CACNA1I: variants seen among roughly 807,000 people sequenced by gnomAD.
CACNA1I encodes the protein calcium voltage-gated channel subunit alpha1 I.
In CACNA1I, 74 loss-of-function variants were observed where a neutral mutation model predicts 201.6. The observed-to-expected ratio is 0.37, with a 90% CI of 0.30 to 0.45. The LOEUF (loss-of-function observed/expected upper bound fraction) is 0.45. Among genes scored for constraint, CACNA1I ranks in the 20% least tolerant of loss-of-function variants. CACNA1I has a pLI of 1.00. For missense variants in CACNA1I, 2,346 were observed against 3,138.1 expected, an observed-to-expected ratio of 0.75 and a Z score of 6.03; for synonymous variants, 1,431 against 1,345.2, an observed-to-expected ratio of 1.06 and a Z score of -1.40.
chr22:39,633,421 C>T lies in CACNA1I; in HGVS notation c.581-1144C>T, dbSNP rs143704844. On this transcript the variant is annotated intron_variant, in intron 4 of 36. Transcript: ENST00000402142. Reference sequence around the variant, plus strand: ...GCAGTATACAACCTGCACAACTGTACGTGGCAGCCTAGGCTAGGTCAGAGG... The same window carrying T: ...GCAGTATACAACCTGCACAACTGTATGTGGCAGCCTAGGCTAGGTCAGAGG... Among the ~76,000 whole-genome samples the T allele has an allele frequency of 7.7e-4, 117 of 152,250 alleles. 1 individual carries two copies. The highest frequency in any genetic ancestry group is 2.1e-3 in the African/African-American group (87 of 41,532).
chr22:39,623,141 A>T, intron 4 of CACNA1I, among the ~76,000 whole-genome samples: 1 of 152,330 alleles, frequency 6.6e-6, no homozygotes, highest in South Asian at 2.1e-4. Flanking sequence ...CGCTCTTGCC[A>T]GGCGGGCTTC....
chr22:39,593,609 G>A (rs532398687), intron 1 of CACNA1I, among the ~76,000 whole-genome samples: 2 of 152,198 alleles, frequency 1.3e-5, no homozygotes, highest in Non-Finnish European at 2.9e-5. Context: ...TCACTGAGGC[G>A]AGAGTCTACC....
intron 1 of CACNA1I, chr22:39,587,819 A>G (rs1371028870): frequency 5.0e-5 from 21 of 418,478 alleles, no homozygotes; most frequent in Non-Finnish European, 9.9e-5. Context: ...TCTGTCACCC[A>G]GGCTGGAGTG....
chr22:39,641,187 G>C lies in CACNA1I; in HGVS notation c.1056+5G>C, dbSNP rs1398806645. ...GCTTGGATTGTCATCTTCCAGGTGA[G>C]GCCATTCAGGCCTGGGGCCAGCCTG... On this transcript the variant is annotated splice_donor_5th_base_variant and intron_variant, in intron 6 of 36. Coordinates refer to ENST00000402142, the MANE Select transcript of CACNA1I (RefSeq NM_021096.4). The C allele has an allele frequency of 6.2e-7, 1 of 1,609,886 alleles. No individual in the cohort carries two copies. The highest frequency in any genetic ancestry group is 8.5e-7 in the Non-Finnish European group (1 of 1,176,868).
rs1935208495 is a variant in CACNA1I at position 39,666,696 on chromosome 22, CAGGG to C, written c.4104+694_4104+697del. Among the ~76,000 whole-genome samples the C allele has an allele frequency of 6.6e-6, 1 of 152,228 alleles. No homozygotes were observed. The highest frequency in any genetic ancestry group is 1.5e-5 in the Non-Finnish European group (1 of 68,034). ...TAGGCGTGCCTTGCCCCAGGGCACA[CAGGG>C]AGGAGCAGGCTCCAGGCCCTCGTCC... is the stretch of plus-strand genomic sequence containing the variant. On this transcript the variant is annotated intron_variant, in intron 23 of 36. Transcript: ENST00000402142. This position sits in a 1 kb window ranked among gnomAD's most constrained non-coding sequence, Gnocchi z 4.1.
chr22:39,657,920 T>G (rs970545745), intron 10 of CACNA1I, among the ~76,000 whole-genome samples: 1 of 152,196 alleles, frequency 6.6e-6, no homozygotes, highest in Non-Finnish European at 1.5e-5. Flanking sequence ...TTGTGGAAGG[T>G]CAGCGCTGTG....
At chr22:39,661,860 G>T in intron 16 of CACNA1I, 105 bp from the exon 17 acceptor site, 1 of 660,378 alleles carries the variant, frequency 1.5e-6, no homozygotes, top group South Asian at 2.0e-5. Context: ...TGGCCAGGTG[G>T]GTGGTCTTAG....
chr22:39,670,522 G>T (rs1460805332), intron 25 of CACNA1I, among the ~76,000 whole-genome samples: 2 of 152,178 alleles, frequency 1.3e-5, no homozygotes, highest in Non-Finnish European at 2.9e-5. Context: ...TGGGAAACCT[G>T]CCCTCCCAGC....
intron 1 of CACNA1I, chr22:39,571,237 C>T: frequency 1.8e-6 from 1 of 553,064 alleles, no homozygotes; most frequent in South Asian, 2.0e-5. Context: ...AGTCCAGTGG[C>T]TGGCTGGCTC....
Position 39,578,778 on chromosome 22 carries a change from T to C in CACNA1I, c.236+7790T>C, listed in dbSNP as rs923518203. Among the ~76,000 whole-genome samples the C allele has an allele frequency of 4.6e-5, 7 of 152,292 alleles. No homozygotes were observed. In the East Asian group the frequency reaches 1.4e-3, roughly 29 times the overall value. On this transcript the variant is annotated intron_variant, in intron 1 of 36. Transcript: ENST00000402142. The stretch of plus-strand genomic sequence containing the variant: ...GAGCCTGGACTCGAGGTCTCCACCA[T>C]CTGCCTATTATCCTCCAGCCCTATT...
intron 5 of CACNA1I, among the ~76,000 whole-genome samples, chr22:39,640,116 C>T (rs140291053): frequency 5.9e-5 from 9 of 152,190 alleles, no homozygotes; most frequent in Admixed American, 2.0e-4. Flanking sequence ...CAGCCCGGCT[C>T]GGTGGCTCAC....
chr22:39,636,879 C>T (rs1464574932), intron 5 of CACNA1I, among the ~76,000 whole-genome samples: 2 of 152,188 alleles, frequency 1.3e-5, no homozygotes, highest in African/African-American at 4.8e-5. Context: ...GTCGTCAGGG[C>T]GGAGAAGGGC....
chr22:39,578,332 A>G (rs1490195123), intron 1 of CACNA1I, among the ~76,000 whole-genome samples: 1 of 151,974 alleles, frequency 6.6e-6, no homozygotes, highest in African/African-American at 2.4e-5. Context: ...ACTCTCTGGG[A>G]GCTCTGAACT....
At chr22:39,678,200 G>T (rs1454472928) in intron 31 of CACNA1I, 92 bp downstream of exon 31, 3 of 1,445,434 alleles carry the variant, frequency 2.1e-6, no homozygotes, top group East Asian at 2.5e-5. Flanking sequence ...CCCACCCAGG[G>T]CCCCACCACA....
Position 39,685,079 on chromosome 22 carries a change from G to A in CACNA1I, c.6027+581G>A, listed in dbSNP as rs996083882. The A allele has an allele frequency of 5.7e-6, 1 of 176,014 alleles. No individual in the cohort carries two copies. Among genetic ancestry groups the A allele is most frequent in the African/African-American group, 2.4e-5 (1 of 41,880 alleles). The allele number at this position is 176,014 out of a possible 1,614,324, so 10.9% of individuals were successfully genotyped here. On this transcript the variant is annotated intron_variant, in intron 36 of 36. Coordinates refer to ENST00000402142, the MANE Select transcript of CACNA1I (RefSeq NM_021096.4). This position sits in a 1 kb window ranked among gnomAD's most constrained non-coding sequence, Gnocchi z 5.0. ...CCACAGTGAGTGCAGTTGATTCACT[G>A]GGTGACTGTCTGACCCGTCACACCA...
chr22:39,576,293 G>A (rs1171125301), intron 1 of CACNA1I, among the ~76,000 whole-genome samples: 1 of 152,238 alleles, frequency 6.6e-6, no homozygotes, highest in East Asian at 1.9e-4. Context: ...AAAGCATTTT[G>A]TCAGCTTTAA....
rs1173762887 is a variant in CACNA1I, at chr22:39,649,767, G to A, written c.1834G>A (p.Glu612Lys). The change falls in exon 10 of 37, where the codon GAG becomes AAG. Residue 612 changes from glutamate (E) to lysine (K), a missense_variant. Around this residue, in one of 13 missense-constraint regions of CACNA1I, gnomAD observed 312 missense variants for 331.5 expected, o/e 0.94. Coordinates refer to ENST00000402142, the MANE Select transcript of CACNA1I (RefSeq NM_021096.4). This position sits in a 1 kb window ranked among gnomAD's most constrained non-coding sequence, Gnocchi z 7.3. Reference sequence around the variant, plus strand: ...AGAACTGGGGAAGGAGGAGGAGGAGGAGGAGCAGGCGGATGGGGCGGTCTG... The same window carrying A: ...AGAACTGGGGAAGGAGGAGGAGGAGAAGGAGCAGGCGGATGGGGCGGTCTG... ...SSELGKEEEE[E>K]EQADGAVWLC... 1.2e-6 allele frequency: 2 copies of A among 1,602,152 alleles called. No homozygotes were observed. Among genetic ancestry groups the A allele is most frequent in the East Asian group, 2.3e-5 (1 of 44,322 alleles).
At chr22:39,573,197 G>A (rs1432993092) in intron 1 of CACNA1I, among the ~76,000 whole-genome samples, 1 of 152,174 alleles carries the variant, frequency 6.6e-6, no homozygotes, top group Admixed American at 6.5e-5. Context: ...GGACCAGGGG[G>A]ACAATTTCAC....
chr22:39,671,387 A>G (rs1935372180), intron 26 of CACNA1I, among the ~76,000 whole-genome samples: 1 of 152,196 alleles, frequency 6.6e-6, no homozygotes, highest in Admixed American at 6.5e-5. Flanking sequence ...CAAATTACTC[A>G]GCCATAGGTA....
Sources: allele counts gnomAD v4.1 joint callset (sites outside exome capture counted in the v4.1 genomes callset), GRCh38; gene constraint gnomAD v4.1.1; regional missense constraint gnomAD v4.1.1; non-coding constraint Gnocchi (gnomAD v3.1); transcripts MANE v1.5; gene names NCBI Gene and HGNC (gene_info 2026-07-23, HGNC 2026-07-21).